CTIF: variants seen among roughly 807,000 people sequenced by gnomAD.
The protein encoded by CTIF is cap binding complex dependent translation initiation factor, also known as CBP80/20-dependent translation initiation factor.
CTIF carries 21 observed loss-of-function variants against 66.0 expected under a neutral mutation model. The observed-to-expected ratio is 0.32, with a 90% CI of 0.23 to 0.46. The LOEUF (loss-of-function observed/expected upper bound fraction) is 0.46, where lower values mean the gene tolerates loss of function less well. Among genes scored for constraint, CTIF ranks in the 20% least tolerant of loss-of-function variants. CTIF has a pLI of 1.00. For synonymous variants in CTIF, 345 were observed against 326.4 expected (o/e 1.06, Z -0.62); for missense variants, 739 against 812.7 (o/e 0.91, Z 1.10).
At chr18:48,641,954 G>A (rs1160705623) in intron 3 of CTIF, among the ~76,000 whole-genome samples, 1 of 152,228 alleles carries the variant, frequency 6.6e-6, no homozygotes, top group African/African-American at 2.4e-5. Context: ...GAAAAAGATG[G>A]AAGGAGTTTT....
At chr18:48,662,347 G>T (rs1297242617) in intron 3 of CTIF, 1 of 133,784 alleles carries the variant, frequency 7.5e-6, no homozygotes, top group Non-Finnish European at 1.6e-5. Context: ...AGCCTGGAAT[G>T]AGGAAGTTTC....
chr18:48,676,691 C>T (rs1259140171), intron 6 of CTIF, among the ~76,000 whole-genome samples: 3 of 152,024 alleles, frequency 2.0e-5, no homozygotes, highest in Middle Eastern at 3.4e-3. Flanking sequence ...GCTCAGGGGA[C>T]GGAAAGTGGC....
intron 3 of CTIF, among the ~76,000 whole-genome samples, chr18:48,639,329 G>A (rs1274156996): frequency 2.6e-5 from 4 of 152,206 alleles, no homozygotes; most frequent in African/African-American, 7.2e-5. Context: ...CTGAGCTCCC[G>A]GTGGGCTTGA....
At position 48,761,180 on chromosome 18, in the gene CTIF, G is replaced by T; in HGVS notation, c.1072-210G>T. The stretch of plus-strand genomic sequence containing the variant: ...GAACCCAAAAACAGTATCAGCCCTG[G>T]ATGTCATAGGGGCCAAGAAAAAAGG... On this transcript the variant is annotated intron_variant, in intron 8 of 11. Transcript: ENST00000256413. This position sits in a 1 kb window ranked among gnomAD's most constrained non-coding sequence, Gnocchi z 4.2. The T allele has an allele frequency of 1.8e-6, 1 of 565,538 alleles. No homozygotes were observed. The highest frequency in any genetic ancestry group is 3.1e-6 in the Non-Finnish European group (1 of 319,856). 35.0% of individuals were successfully genotyped at this position (565,538 alleles called of 1,614,324 possible). A position where few individuals can be genotyped will look rare whatever the true frequency, so the allele number is the denominator to read the frequency against.
Position 48,839,812 on chromosome 18 carries a change from CTTG to C in CTIF, c.1528-17771_1528-17769del, listed in dbSNP as rs546456930. Among the ~76,000 whole-genome samples, 10 of 152,026 alleles carry C rather than the reference CTTG, an allele frequency of 6.6e-5. No homozygotes were observed. In the South Asian group the frequency reaches 1.9e-3, roughly 28 times the overall value. ...CTTCAGACACCCTGGAGAAGTTGGA[CTTG>C]TTGTGCTCCAAGGCTTTATGTCACT... is the stretch of plus-strand genomic sequence containing the variant. On this transcript the variant is annotated intron_variant, in intron 10 of 11. Transcript: ENST00000256413.
chr18:48,842,105 G>A (rs560385307), intron 10 of CTIF, among the ~76,000 whole-genome samples: 2 of 152,244 alleles, frequency 1.3e-5, no homozygotes, highest in African/African-American at 2.4e-5. Context: ...AGACGGGGAC[G>A]TTCAAGTAAT....
At chr18:48,711,812 TG>T in intron 7 of CTIF, 117 bp downstream of exon 7, 1 of 823,406 alleles carries the variant, frequency 1.2e-6, no homozygotes. Context: ...CCTGATGAGA[TG>T]GGGTTGGTGG....
chr18:48,581,610 A>T (rs2089658560), intron 1 of CTIF, among the ~76,000 whole-genome samples: 1 of 152,020 alleles, frequency 6.6e-6, no homozygotes, highest in Non-Finnish European at 1.5e-5. Context: ...TGTCTGGGAG[A>T]AGGGTCCCCC....
At chr18:48,686,076 A>C (rs1030625041) in intron 6 of CTIF, among the ~76,000 whole-genome samples, 2 of 152,136 alleles carry the variant, frequency 1.3e-5, no homozygotes, top group African/African-American at 2.4e-5. Flanking sequence ...TTCACTCACA[A>C]ATTTTAGCAT....
rs562804183 is a variant in CTIF at position 48,682,123 on chromosome 18, C to T, written c.507+11379C>T. Among the ~76,000 whole-genome samples, 3 of 152,302 alleles carry T rather than the reference C, an allele frequency of 2.0e-5. No homozygotes were observed. The East Asian group carries it at 5.8e-4, about 29-fold the overall frequency. On this transcript the variant is annotated intron_variant, in intron 6 of 11. Coordinates refer to ENST00000256413, the MANE Select transcript of CTIF (RefSeq NM_014772.3). ...TTCAAAGACTCTGCTTAGAGGTCAC[C>T]TCCTCTGTGAAGCCCTCCCTGATAA...
At chr18:48,857,152 G>A (rs2069347602) in intron 10 of CTIF, among the ~76,000 whole-genome samples, 1 of 152,200 alleles carries the variant, frequency 6.6e-6, no homozygotes, top group Admixed American at 6.5e-5. Flanking sequence ...GCCCAGGGGT[G>A]CCTGAGTCAA....
intron 6 of CTIF, among the ~76,000 whole-genome samples, chr18:48,684,715 T>C (rs2091807121): frequency 6.6e-6 from 1 of 152,232 alleles, no homozygotes; most frequent in Non-Finnish European, 1.5e-5. Flanking sequence ...AATTCCTATA[T>C]AGCCTTCACC....
intron 7 of CTIF, among the ~76,000 whole-genome samples, chr18:48,746,555 G>T (rs1201022588): frequency 2.0e-5 from 3 of 151,636 alleles, no homozygotes; most frequent in African/African-American, 7.3e-5. Flanking sequence ...GGTCCAGGCT[G>T]GCCAGGAGGA....
At chr18:48,580,081 G>A (rs779653105) in intron 1 of CTIF, among the ~76,000 whole-genome samples, 16 of 152,346 alleles carry the variant, frequency 1.1e-4, no homozygotes, top group Non-Finnish European at 2.1e-4. Context: ...AAATAAAAGA[G>A]CTGGTTGCTT....
chr18:48,698,474 A>G (rs376845348), intron 6 of CTIF, among the ~76,000 whole-genome samples: 1 of 152,178 alleles, frequency 6.6e-6, no homozygotes, highest in African/African-American at 2.4e-5. Flanking sequence ...CGGCCTCCCA[A>G]AGTGCTGGGA....
chr18:48,791,906 T>A (rs1243475448), intron 9 of CTIF, among the ~76,000 whole-genome samples: 1 of 152,108 alleles, frequency 6.6e-6, no homozygotes, highest in Non-Finnish European at 1.5e-5. Flanking sequence ...CTAACCAAAC[T>A]TTAGGCAACT....
intron 6 of CTIF, among the ~76,000 whole-genome samples, chr18:48,672,676 T>C (rs2091555196): frequency 1.3e-5 from 2 of 151,840 alleles, no homozygotes. Context: ...CAAAGGGAGG[T>C]TGGCCTCAAG....
chr18:48,667,318 G>A (rs2091453866), intron 5 of CTIF, among the ~76,000 whole-genome samples: 1 of 152,192 alleles, frequency 6.6e-6, no homozygotes, highest in South Asian at 2.1e-4. Flanking sequence ...GCCTGGTGCA[G>A]GGTTAAATAA....
chr18:48,716,345 C>A (rs1598916417), intron 7 of CTIF, among the ~76,000 whole-genome samples: 1 of 152,168 alleles, frequency 6.6e-6, no homozygotes, highest in East Asian at 1.9e-4. Flanking sequence ...GAGAAAGCAG[C>A]CATCCTGGGA....
Sources: gnomAD v4.1 joint callset for allele counts (sites outside exome capture counted in the v4.1 genomes callset) on GRCh38, gnomAD v4.1.1 for gene constraint, Gnocchi (gnomAD v3.1) non-coding constraint, MANE v1.5 for transcripts, NCBI Gene and HGNC (gene_info 2026-07-23, HGNC 2026-07-21) for gene names.